Variants in NEK11 observed in about 807,000 individuals in gnomAD.
The protein encoded by NEK11 is serine/threonine-protein kinase Nek11.
A neutral mutation model predicts 80.7 loss-of-function variants in NEK11; 72 were observed. The observed-to-expected ratio is 0.89, with a 90% CI of 0.74 to 1.08. The LOEUF (loss-of-function observed/expected upper bound fraction) is 1.08. Ranked by LOEUF, NEK11 falls within the 50% of genes least tolerant of loss-of-function variation. The pLI is 0.00. For missense variants in NEK11, 764 were observed against 763.6 expected (o/e 1.00, Z -0.01); for synonymous variants, 251 against 260.7 (o/e 0.96, Z 0.36).
chr3:131,338,265 GGTTTTTTT>G (rs2097222946), intron 17 of NEK11, among the ~76,000 whole-genome samples: 2 of 91,608 alleles, frequency 2.2e-5, no homozygotes, highest in Non-Finnish European at 3.9e-5. Context: ...GCGCCCAGCT[GGTTTTTTT>G]TTTTTTTTTT....
intron 3 of NEK11, among the ~76,000 whole-genome samples, chr3:131,051,879 A>G (rs1224386246): frequency 6.6e-6 from 1 of 152,070 alleles, no homozygotes; most frequent in Non-Finnish European, 1.5e-5. Context: ...TTTTGACTTT[A>G]TAATATAATT....
chr3:131,262,071 A>C (rs190574386), intron 16 of NEK11, among the ~76,000 whole-genome samples: 1 of 152,306 alleles, frequency 6.6e-6, no homozygotes, highest in African/African-American at 2.4e-5. Flanking sequence ...GATTCAAATT[A>C]ATACATCAGA....
chr3:131,084,624 G>T (rs1385479183), intron 4 of NEK11, among the ~76,000 whole-genome samples: 1 of 152,182 alleles, frequency 6.6e-6, no homozygotes, highest in African/African-American at 2.4e-5. Context: ...TAGTGGTTGT[G>T]GTGGAGAGAA....
rs2095866445 is a variant in NEK11 at position 131,259,038 on chromosome 3, T to C, written c.1622-14440T>C. 2.6e-5 allele frequency among the ~76,000 whole-genome samples: 4 copies of C among 152,122 alleles called. No individual in the cohort carries two copies. In the South Asian group the frequency reaches 8.3e-4, roughly 31 times the overall value. On this transcript the variant is annotated intron_variant, in intron 16 of 17. Coordinates refer to ENST00000383366, the MANE Select transcript of NEK11 (RefSeq NM_024800.5). ...TAAGCTTTACTAGAGCCATAGAAGATAGGATTCTTTTTTTTGTATCAATGA... is the reference window on the plus strand; with the variant it reads ...TAAGCTTTACTAGAGCCATAGAAGACAGGATTCTTTTTTTTGTATCAATGA...
At chr3:131,100,496 G>C (rs2078208596) in intron 4 of NEK11, among the ~76,000 whole-genome samples, 1 of 152,144 alleles carries the variant, frequency 6.6e-6, no homozygotes. Context: ...TGTGAACCTG[G>C]GAGGCCAAGG....
At chr3:131,062,325 A>C (rs1251718869) in intron 3 of NEK11, among the ~76,000 whole-genome samples, 3 of 152,228 alleles carry the variant, frequency 2.0e-5, no homozygotes, top group Non-Finnish European at 4.4e-5. Flanking sequence ...TGTGATCTGA[A>C]CCGGAGAACC....
In NEK11 at chr3:131,154,937, T is replaced by C; in HGVS notation, c.877-99T>C. ...TTTGTTCTCAGGCTCCCTGCCATGG[T>C]CAAAAGCACCCCAAATCTGAAAAGA... On this transcript the variant is annotated intron_variant, in intron 9 of 17. Transcript: ENST00000383366. 4.2e-6 allele frequency: 3 copies of C among 716,850 alleles called. No individual in the cohort carries two copies. The South Asian group carries it at 5.5e-5, about 13-fold the overall frequency. 44.4% of individuals were successfully genotyped at this position (716,850 alleles called of 1,614,324 possible).
intron 5 of NEK11, among the ~76,000 whole-genome samples, chr3:131,114,696 A>G (rs574121667): frequency 1.3e-5 from 2 of 152,342 alleles, no homozygotes; most frequent in Non-Finnish European, 2.9e-5. Context: ...GCAAGGAATA[A>G]GAAGCGTGAA....
At chr3:131,129,598 A>T (rs1021942698) in intron 5 of NEK11, among the ~76,000 whole-genome samples, 1 of 152,074 alleles carries the variant, frequency 6.6e-6, no homozygotes, top group African/African-American at 2.4e-5. Context: ...TTTTAGGCCT[A>T]TGATTTATTT....
chr3:131,075,804 C>T (rs1302974014), intron 3 of NEK11, among the ~76,000 whole-genome samples: 1 of 152,084 alleles, frequency 6.6e-6, no homozygotes, highest in African/African-American at 2.4e-5. Flanking sequence ...GATCAGGACT[C>T]CCAGGTGCAG....
At chr3:131,235,970 A>G (rs1454395982) in intron 15 of NEK11, among the ~76,000 whole-genome samples, 1 of 152,204 alleles carries the variant, frequency 6.6e-6, no homozygotes, top group Non-Finnish European at 1.5e-5. Context: ...TGAGCTGATG[A>G]TTTAAAATCA....
chr3:131,099,126 A>T (rs1394676537), intron 4 of NEK11, among the ~76,000 whole-genome samples: 1 of 152,162 alleles, frequency 6.6e-6, no homozygotes, highest in Admixed American at 6.5e-5. Flanking sequence ...AAAATCTTTG[A>T]TCAATCTTGA....
At chr3:131,134,056 C>A (rs945312062) in intron 7 of NEK11, 100 bp downstream of exon 7, 3 of 1,006,704 alleles carry the variant, frequency 3.0e-6, no homozygotes, top group African/African-American at 1.6e-5. Flanking sequence ...TCACTTTATC[C>A]CTTTGACATG....
intron 15 of NEK11, among the ~76,000 whole-genome samples, chr3:131,241,489 T>G (rs2095518713): frequency 6.6e-6 from 1 of 152,104 alleles, no homozygotes; most frequent in Non-Finnish European, 1.5e-5. Context: ...ATATTGTACA[T>G]TTTCTGTTTG....
At chr3:131,347,323 G>A (rs1019547055) in intron 17 of NEK11, among the ~76,000 whole-genome samples, 8 of 152,174 alleles carry the variant, frequency 5.3e-5, no homozygotes, top group Non-Finnish European at 1.2e-4. Context: ...TAGTTCATAA[G>A]GAGCATTTGA....
intron 5 of NEK11, among the ~76,000 whole-genome samples, chr3:131,118,826 T>C (rs1414644348): frequency 6.6e-6 from 1 of 152,198 alleles, no homozygotes; most frequent in Non-Finnish European, 1.5e-5. Context: ...ATATCCCCTT[T>C]ATCATTTTTT....
At chr3:131,047,989 A>G (rs553795102) in intron 3 of NEK11, among the ~76,000 whole-genome samples, 2 of 152,176 alleles carry the variant, frequency 1.3e-5, no homozygotes, top group South Asian at 2.1e-4. Flanking sequence ...TTCTCAGGCC[A>G]GTGGGATTAT....
At chr3:131,058,045 CA>C (rs1264249172) in intron 3 of NEK11, among the ~76,000 whole-genome samples, 1 of 151,352 alleles carries the variant, frequency 6.6e-6, no homozygotes, top group Non-Finnish European at 1.5e-5. Context: ...GTCTTTAATC[CA>C]TCTTGAATTA....
chr3:131,322,409 G>A (rs1015361354), intron 17 of NEK11, among the ~76,000 whole-genome samples: 20 of 152,120 alleles, frequency 1.3e-4, no homozygotes, highest in Non-Finnish European at 2.6e-4. Flanking sequence ...GTATACCCAT[G>A]TAACAAACCT....
Sources: allele counts gnomAD v4.1 joint callset (sites outside exome capture counted in the v4.1 genomes callset), GRCh38; gene constraint gnomAD v4.1.1; transcripts MANE v1.5; gene names NCBI Gene and HGNC (gene_info 2026-07-23, HGNC 2026-07-21).